KDM4A: variants seen among roughly 807,000 people sequenced by gnomAD.
KDM4A encodes lysine demethylase 4A, also known as lysine-specific demethylase 4A.
A neutral mutation model predicts 127.1 loss-of-function variants in KDM4A; 23 were observed. The observed-to-expected ratio is 0.18, with a 90% CI of 0.13 to 0.26. KDM4A has a LOEUF of 0.26. Ranked by LOEUF, KDM4A falls within the 10% of genes least tolerant of loss-of-function variation. KDM4A has a pLI of 1.00. For missense variants in KDM4A, 890 were observed against 1,329.1 expected, an observed-to-expected ratio of 0.67 and a Z score of 5.14; for synonymous variants, 443 against 466.5, an observed-to-expected ratio of 0.95 and a Z score of 0.65.
chr1:43,690,662 G>A (rs1392753506), intron 13 of KDM4A, 183 bp from the exon 14 acceptor site: 3 of 656,640 alleles, frequency 4.6e-6, no homozygotes, highest in African/African-American at 3.6e-5. Context: ...GCTGCTGTGA[G>A]AAACTGAATT....
rs749069346 is a variant in KDM4A, at chr1:43,669,276, T to C, written c.1340T>C (p.Val447Ala). 2 of 1,614,202 alleles carry C rather than the reference T, an allele frequency of 1.2e-6. No individual in the cohort carries two copies. Among genetic ancestry groups the C allele is most frequent in the Admixed American group, 1.7e-5 (1 of 60,018 alleles). The change falls in exon 10 of 22, where the codon GTT (valine) becomes GCT (alanine). Residue 447 changes from valine (V) to alanine (A), a missense_variant. Physicochemically the swap from Val to Ala is moderately conservative, Grantham distance 64. Coordinates refer to ENST00000372396, the MANE Select transcript of KDM4A (RefSeq NM_014663.3). ...CCCACCCATAGCTCTGTGCGGCAAG[T>C]TGAGGATGGTCTTACCTTCCCAGGT... The part of the protein sequence containing the change: ...VRPTHSSVRQ[V>A]EDGLTFPDYS...
chr1:43,683,564 T>C, intron 11 of KDM4A, 120 bp from the exon 12 acceptor site: 1 of 1,157,974 alleles, frequency 8.6e-7, no homozygotes, highest in Non-Finnish European at 1.2e-6. Context: ...TTCTGTTTGG[T>C]ATTATATGTC....
chr1:43,667,811 G>A lies in KDM4A; in HGVS notation c.955G>A (p.Val319Met). 11 of 1,614,208 alleles carry A rather than the reference G, an allele frequency of 6.8e-6. No homozygotes were observed. The highest frequency in any genetic ancestry group is 9.3e-6 in the Non-Finnish European group (11 of 1,180,038). The change falls in exon 9 of 22, where the codon GTG (valine) becomes ATG (methionine). Residue 319 changes from valine (V) to methionine (M), a missense_variant. Physicochemically the swap from Val to Met is conservative, Grantham distance 21. This residue lies in a region of KDM4A where 141 missense variants were observed against 273.5 expected (regional missense o/e 0.52). Transcript: ENST00000372396. The part of the protein sequence containing the change: ...RKDMVKISMD[V>M]FVRKFQPERY... Reference sequence around the variant, plus strand: ...GGACATGGTGAAGATCTCCATGGATGTGTTTGTGAGAAAGTTCCAGCCAGA... The same window carrying A: ...GGACATGGTGAAGATCTCCATGGATATGTTTGTGAGAAAGTTCCAGCCAGA...
Position 43,705,387 on chromosome 1 carries a change from A to T in KDM4A, c.*1017A>T, listed in dbSNP as rs1443551646. ...CCCAGGATTGGAGGGCTTCACACCAATACCCTGTGTATACAAGAATCAGAT... is the reference window on the plus strand; with the variant it reads ...CCCAGGATTGGAGGGCTTCACACCATTACCCTGTGTATACAAGAATCAGAT... On this transcript the variant is annotated 3_prime_UTR_variant, in exon 22 of 22. Transcript: ENST00000372396. The T allele has an allele frequency of 6.6e-6, 1 of 152,598 alleles. No homozygotes were observed. Among genetic ancestry groups the T allele is most frequent in the Non-Finnish European group, 1.5e-5 (1 of 68,030 alleles). The allele number at this position is 152,598 out of a possible 1,614,324, so 9.5% of individuals were successfully genotyped here. A position where few individuals can be genotyped will look rare whatever the true frequency, so the allele number is the denominator to read the frequency against.
At chr1:43,674,539 C>G (rs1660698187) in intron 11 of KDM4A, among the ~76,000 whole-genome samples, 1 of 149,140 alleles carries the variant, frequency 6.7e-6, no homozygotes, top group Admixed American at 6.7e-5. Flanking sequence ...TGTGGGGGGA[C>G]TGAGTCTCGC....
At chr1:43,703,440 T>C (rs1661458960) in intron 19 of KDM4A, 177 bp from the exon 20 acceptor site, 1 of 620,420 alleles carries the variant, frequency 1.6e-6, no homozygotes, top group Admixed American at 2.9e-5. Flanking sequence ...AGGGCAGAGA[T>C]AGGGGCAGAC....
chr1:43,677,401 A>C (rs1258309301), intron 11 of KDM4A, among the ~76,000 whole-genome samples: 1 of 151,878 alleles, frequency 6.6e-6, no homozygotes, highest in East Asian at 1.9e-4. Context: ...TAACTATGCC[A>C]TTATTATACC....
intron 1 of KDM4A, among the ~76,000 whole-genome samples, chr1:43,652,923 A>G (rs1392469452): frequency 2.0e-5 from 3 of 151,846 alleles, no homozygotes; most frequent in Non-Finnish European, 4.4e-5. Context: ...ACCTCAGGCG[A>G]TGCACCCGCT....
chr1:43,653,599 C>T (rs1660169117), intron 2 of KDM4A: 2 of 241,588 alleles, frequency 8.3e-6, no homozygotes, highest in Non-Finnish European at 1.6e-5. Context: ...GAGCTGGGTG[C>T]TGTGGTGTTA....
At chr1:43,657,162 A>G (rs2154046432) in intron 3 of KDM4A, among the ~76,000 whole-genome samples, 1 of 152,002 alleles carries the variant, frequency 6.6e-6, no homozygotes, top group Admixed American at 6.5e-5. Flanking sequence ...TGCTGGGATT[A>G]TAGGCATGAG....
intron 3 of KDM4A, among the ~76,000 whole-genome samples, chr1:43,656,911 G>A (rs1419744478): frequency 6.6e-6 from 1 of 151,556 alleles, no homozygotes; most frequent in African/African-American, 2.4e-5. Context: ...TGTATTTTTA[G>A]TAGAGACGGG....
In KDM4A at chr1:43,694,915, A is replaced by G. The variant is rs753120365; in HGVS notation, c.2670+21A>G. On this transcript the variant is annotated intron_variant, in intron 18 of 21. Coordinates refer to ENST00000372396, the MANE Select transcript of KDM4A (RefSeq NM_014663.3). The surrounding 1 kb of genome is among the most constrained non-coding windows in gnomAD (Gnocchi z 5.2). The stretch of plus-strand genomic sequence containing the variant: ...TGGAGGTGAGAGAGGGTGTCATTCT[A>G]GAATCCTCTTGACAGTTTTCATGGT... 1 of 1,581,254 alleles carries G rather than the reference A, an allele frequency of 6.3e-7. No individual in the cohort carries two copies. The highest frequency in any genetic ancestry group is 8.7e-7 in the Non-Finnish European group (1 of 1,154,864).
chr1:43,696,103 A>T lies in KDM4A; in HGVS notation c.2670+1209A>T, dbSNP rs551504350. ...TAGTTAAATCTAGTTCCCATTAGAA[A>T]CTGGGCTCTGGAGATTCCCAGTGGG... On this transcript the variant is annotated intron_variant, in intron 18 of 21. Transcript: ENST00000372396. 2.0e-5 allele frequency among the ~76,000 whole-genome samples: 3 copies of T among 152,274 alleles called. No individual in the cohort carries two copies. The South Asian group carries it at 6.2e-4, about 32-fold the overall frequency.
chr1:43,703,384 T>G, intron 19 of KDM4A: 1 of 413,828 alleles, frequency 2.4e-6, no homozygotes, highest in South Asian at 3.0e-5. Flanking sequence ...ACTAAGTTTG[T>G]TATAGCTGGA....
At chr1:43,664,685 T>C (rs1660461317) in intron 5 of KDM4A, among the ~76,000 whole-genome samples, 1 of 152,234 alleles carries the variant, frequency 6.6e-6, no homozygotes, top group Non-Finnish European at 1.5e-5. Flanking sequence ...TCCTAACTAC[T>C]GTCCTGTTTT....
At chr1:43,659,185 C>T (rs964284749) in intron 3 of KDM4A, among the ~76,000 whole-genome samples, 5 of 152,014 alleles carry the variant, frequency 3.3e-5, no homozygotes, top group Admixed American at 2.6e-4. Flanking sequence ...CCTGGCTACT[C>T]GGGAGGTTAG....
intron 11 of KDM4A, among the ~76,000 whole-genome samples, chr1:43,674,277 G>T (rs1340599266): frequency 6.6e-6 from 1 of 152,040 alleles, no homozygotes; most frequent in African/African-American, 2.4e-5. Context: ...TATATGCATT[G>T]TTCAGTCTTT....
intron 5 of KDM4A, among the ~76,000 whole-genome samples, chr1:43,664,558 T>G (rs897943001): frequency 6.6e-6 from 1 of 152,132 alleles, no homozygotes; most frequent in South Asian, 2.1e-4. Flanking sequence ...ATATCCACTT[T>G]CAGGTCTTTT....
At chr1:43,691,397 G>A in intron 14 of KDM4A, 99 bp from the exon 15 acceptor site, 1 of 987,840 alleles carries the variant, frequency 1.0e-6, no homozygotes, top group Non-Finnish European at 1.6e-6. Context: ...TGTGAGATTT[G>A]GTTGTAGCTT....
Sources: gnomAD v4.1 joint callset for allele counts (sites outside exome capture counted in the v4.1 genomes callset) on GRCh38, gnomAD v4.1.1 for gene constraint, gnomAD v4.1.1 regional missense constraint, Gnocchi (gnomAD v3.1) non-coding constraint, MANE v1.5 for transcripts, NCBI Gene and HGNC (gene_info 2026-07-23, HGNC 2026-07-21) for gene names.